Variants in TLK2 observed in about 807,000 individuals in gnomAD.
The protein encoded by TLK2 is tousled like kinase 2.
Under a neutral mutation model 117.3 loss-of-function variants are expected in TLK2, and 6 were observed. The ratio of observed to expected loss-of-function variants is 0.05; its 90% confidence interval spans 0.03 to 0.10. TLK2 has a LOEUF of 0.10. Ranked by LOEUF, TLK2 falls within the 10% of genes least tolerant of loss-of-function variation. The pLI is 1.00. For missense variants in TLK2, 299 were observed against 901.2 expected, an observed-to-expected ratio of 0.33 and a Z score of 8.56; for synonymous variants, 257 against 316.7, an observed-to-expected ratio of 0.81 and a Z score of 2.00.
intron 2 of TLK2, among the ~76,000 whole-genome samples, chr17:62,515,586 T>C (rs552310036): frequency 5.3e-5 from 8 of 152,332 alleles, no homozygotes; most frequent in African/African-American, 1.9e-4. Flanking sequence ...AAATTAGTGA[T>C]TTTGAGCATC....
upstream of TLK2, among the ~76,000 whole-genome samples, chr17:62,476,497 C>T (rs139371654): frequency 0.018 from 2,753 of 152,020 alleles, 95 homozygotes; most frequent in African/African-American, 0.063. Flanking sequence ...GCGGGAGAAT[C>T]GCATGAACCC....
At chr17:62,584,107 G>GTTTTTT (rs572000997) in intron 15 of TLK2, among the ~76,000 whole-genome samples, 157 of 78,534 alleles carry the variant, frequency 2.0e-3, no homozygotes, top group Non-Finnish European at 2.5e-3. Flanking sequence ...TTCTTTTGTG[G>GTTTTTT]TTTTTTTTTT....
At chr17:62,545,262 T>C (rs1262665606) in intron 7 of TLK2, among the ~76,000 whole-genome samples, 9 of 152,164 alleles carry the variant, frequency 5.9e-5, no homozygotes, top group Non-Finnish European at 1.3e-4. Context: ...CCTGATCTTG[T>C]GATTCACTCA....
At chr17:62,574,718 G>A (rs1312686202) in intron 12 of TLK2, among the ~76,000 whole-genome samples, 1 of 152,090 alleles carries the variant, frequency 6.6e-6, no homozygotes, top group Non-Finnish European at 1.5e-5. Context: ...GTTTCTCCAT[G>A]TTGGCCAGGC....
intron 2 of TLK2, among the ~76,000 whole-genome samples, chr17:62,491,879 C>T (rs1232120263): frequency 5.3e-5 from 8 of 152,190 alleles, no homozygotes; most frequent in Admixed American, 3.9e-4. Flanking sequence ...CCCTCACACC[C>T]GGCCCCCATA....
chr17:62,548,806 G>T (rs1358852716), intron 7 of TLK2, among the ~76,000 whole-genome samples: 1 of 151,218 alleles, frequency 6.6e-6, no homozygotes, highest in Admixed American at 6.6e-5. Context: ...GCATGATCTC[G>T]GCTCACTGCA....
At chr17:62,491,983 G>T (rs2073157321) in intron 2 of TLK2, among the ~76,000 whole-genome samples, 1 of 152,206 alleles carries the variant, frequency 6.6e-6, no homozygotes, top group Admixed American at 6.6e-5. Context: ...AATCTGCTAA[G>T]AAGTTAGCTA....
intron 12 of TLK2, among the ~76,000 whole-genome samples, chr17:62,576,423 T>C (rs115836870): frequency 0.012 from 1,899 of 152,328 alleles, 32 homozygotes; most frequent in African/African-American, 0.043. Context: ...CTTAGTAATA[T>C]ATGGCACAAA....
At chr17:62,516,907 T>G in intron 2 of TLK2, 2 of 627,852 alleles carry the variant, frequency 3.2e-6, no homozygotes. Context: ...ATATCCAGTT[T>G]CTCCAGCACC....
intron 21 of TLK2, among the ~76,000 whole-genome samples, chr17:62,609,225 G>GGT (rs948967378): frequency 4.7e-4 from 71 of 152,268 alleles, no homozygotes; most frequent in African/African-American, 1.7e-3. Context: ...TGGGACTACA[G>GGT]GTGTGCACCA....
chr17:62,519,068 A>G (rs1248830642), intron 2 of TLK2, among the ~76,000 whole-genome samples: 2 of 152,100 alleles, frequency 1.3e-5, no homozygotes, highest in South Asian at 2.1e-4. Context: ...TATTTTTGGT[A>G]GAGATGGGGT....
chr17:62,494,271 T>C (rs976596282), intron 2 of TLK2, among the ~76,000 whole-genome samples: 7 of 152,216 alleles, frequency 4.6e-5, no homozygotes, highest in Middle Eastern at 3.4e-3. Flanking sequence ...TTAGTAGATA[T>C]GGGGTTTCAC....
At chr17:62,477,373 G>A (rs1258994272), upstream of TLK2, 2 of 152,178 alleles carry the variant, frequency 1.3e-5, no homozygotes, top group Non-Finnish European at 2.9e-5. Flanking sequence ...AGCAGTCTGG[G>A]ATCTGGAGTA....
chr17:62,603,063 C>T (rs1400276740), intron 19 of TLK2, among the ~76,000 whole-genome samples: 3 of 152,090 alleles, frequency 2.0e-5, no homozygotes, highest in Non-Finnish European at 2.9e-5. Flanking sequence ...ATAGCACCAA[C>T]GGAGGGGCAA....
Position 62,613,051 on chromosome 17 carries a change from G to A in TLK2, c.*486G>A, listed in dbSNP as rs1432083920. On this transcript the variant is annotated 3_prime_UTR_variant, in exon 22 of 22. Transcript: ENST00000346027. ...GTAGCACAAAGGCTCAGCTGGGGAT[G>A]GTGTTTGACTTCGGAGGAAAAAAGT... is the stretch of plus-strand genomic sequence containing the variant. 6.6e-6 allele frequency: 1 copy of A among 152,614 alleles called. No individual in the cohort carries two copies. The highest frequency in any genetic ancestry group is 1.5e-5 in the Non-Finnish European group (1 of 68,052). The allele number at this position is 152,614 out of a possible 1,614,324, so 9.5% of individuals were successfully genotyped here. A position where few individuals can be genotyped will look rare whatever the true frequency, so the allele number is the denominator to read the frequency against.
At chr17:62,577,788 G>T (rs2080918610) in intron 13 of TLK2, among the ~76,000 whole-genome samples, 1 of 152,192 alleles carries the variant, frequency 6.6e-6, no homozygotes, top group Admixed American at 6.5e-5. Context: ...GCTCACACCT[G>T]TAATGCCAGC....
At chr17:62,555,566 T>C (rs563804196) in intron 9 of TLK2, among the ~76,000 whole-genome samples, 10 of 144,824 alleles carry the variant, frequency 6.9e-5, no homozygotes, top group Admixed American at 4.2e-4. Context: ...CACTGCAACC[T>C]CCGCCTCCTG....
chr17:62,604,038 CTTG>C (rs1228078490), intron 19 of TLK2, among the ~76,000 whole-genome samples: 4 of 151,090 alleles, frequency 2.6e-5, no homozygotes, highest in Non-Finnish European at 1.5e-5. Context: ...GAGTTTCGCT[CTTG>C]TTGCCTGGGC....
chr17:62,483,474 C>T (rs1376265678), intron 2 of TLK2, among the ~76,000 whole-genome samples: 2 of 152,190 alleles, frequency 1.3e-5, no homozygotes, highest in Non-Finnish European at 2.9e-5. Flanking sequence ...AAGAAGTTCT[C>T]TGTACAGAAA....
Sources: allele counts gnomAD v4.1 joint callset (sites outside exome capture counted in the v4.1 genomes callset), GRCh38; gene constraint gnomAD v4.1.1; transcripts MANE v1.5; gene names NCBI Gene and HGNC (gene_info 2026-07-23, HGNC 2026-07-21).